CRPPA: variants seen among roughly 807,000 people sequenced by gnomAD.
The protein encoded by CRPPA is D-ribitol-5-phosphate cytidylyltransferase.
A neutral mutation model predicts 52.0 loss-of-function variants in CRPPA; 43 were observed. The observed-to-expected ratio is 0.83, with a 90% confidence interval of 0.65 to 1.07. CRPPA has a LOEUF of 1.07. Ranked by LOEUF, CRPPA falls within the 50% of genes least tolerant of loss-of-function variation. The pLI is 0.00. For missense variants in CRPPA, 629 were observed against 551.7 expected (o/e 1.14, Z -1.40); for synonymous variants, 250 against 203.5 (o/e 1.23, Z -1.94).
intron 9 of CRPPA, among the ~76,000 whole-genome samples, chr7:16,171,613 AC>A (rs1378099665): frequency 3.3e-5 from 5 of 151,504 alleles, no homozygotes; most frequent in African/African-American, 1.2e-4. Flanking sequence ...AAAACAAAAA[AC>A]AAACAAACCA....
intron 9 of CRPPA, among the ~76,000 whole-genome samples, chr7:16,112,183 C>T (rs1372072622): frequency 6.6e-6 from 1 of 152,016 alleles, no homozygotes; most frequent in East Asian, 1.9e-4. Flanking sequence ...GGTGTGGTGG[C>T]ATGTGCCTGT....
chr7:16,157,934 G>A (rs10479957), intron 9 of CRPPA, among the ~76,000 whole-genome samples: 3,156 of 151,674 alleles, frequency 0.021, 109 homozygotes, highest in African/African-American at 0.072. Flanking sequence ...GAATAGAGCA[G>A]TGCAATCTTG....
chr7:16,369,917 G>A (rs1786704696), intron 3 of CRPPA, among the ~76,000 whole-genome samples: 1 of 152,222 alleles, frequency 6.6e-6, no homozygotes. Context: ...GGGAAAGTCT[G>A]CCTCCAATCA....
At chr7:16,317,396 A>G (rs768444691) in intron 3 of CRPPA, among the ~76,000 whole-genome samples, 1 of 152,198 alleles carries the variant, frequency 6.6e-6, no homozygotes, top group Non-Finnish European at 1.5e-5. Context: ...AACCCTAAAA[A>G]TTGAGGTTTA....
At chr7:16,254,796 A>AGAAAGAAG (rs1554299376) in intron 8 of CRPPA, among the ~76,000 whole-genome samples, 170 of 49,600 alleles carry the variant, frequency 3.4e-3, no homozygotes, top group Middle Eastern at 9.1e-3. Flanking sequence ...AAAGAAGGAA[A>AGAAAGAAG]GAAAGAAAGA....
chr7:16,155,987 A>T (rs1783172074), intron 9 of CRPPA, among the ~76,000 whole-genome samples: 1 of 152,150 alleles, frequency 6.6e-6, no homozygotes, highest in Non-Finnish European at 1.5e-5. Context: ...GGGTCAGCAT[A>T]AACAAACATG....
In CRPPA at chr7:16,148,512, T is replaced by C. The variant is rs533418588; in HGVS notation, c.1252-56713A>G. ...GCATGGATGAACCTCGAGGACATTA[T>C]GTTAAGTGAAATAAGTCAGGCACAA... On this transcript the variant is annotated intron_variant, in intron 9 of 9. Coordinates refer to ENST00000407010, the MANE Select transcript of CRPPA (RefSeq NM_001101426.4). 1.4e-4 allele frequency among the ~76,000 whole-genome samples: 21 copies of C among 152,222 alleles called. 1 individual carries two copies. In the East Asian group the frequency reaches 3.5e-3, roughly 25 times the overall value.
chr7:16,089,236 G>T lies in CRPPA; in HGVS notation c.*2459C>A, dbSNP rs538655524. ...TATACATATATGTGTGTATGCGTAC[G>T]TATATACATATATGTGTGTATGCGT... On this transcript the variant is annotated 3_prime_UTR_variant, in exon 10 of 10. Coordinates refer to ENST00000407010, the MANE Select transcript of CRPPA (RefSeq NM_001101426.4). The T allele has an allele frequency of 5.3e-6, 2 of 376,348 alleles. No homozygotes were observed. The highest frequency in any genetic ancestry group is 5.0e-5 in the Admixed American group (2 of 40,138). The allele number at this position is 376,348 out of a possible 1,614,324, so 23.3% of individuals were successfully genotyped here.
intron 9 of CRPPA, among the ~76,000 whole-genome samples, chr7:16,177,545 C>T (rs1781327708): frequency 6.6e-6 from 1 of 151,838 alleles, no homozygotes; most frequent in African/African-American, 2.4e-5. Flanking sequence ...ACCCAGAGAA[C>T]AAAAGAACAT....
intron 2 of CRPPA, among the ~76,000 whole-genome samples, chr7:16,400,094 C>T (rs546429423): frequency 3.3e-5 from 5 of 152,028 alleles, no homozygotes; most frequent in African/African-American, 7.2e-5. Context: ...ATGACTGTCA[C>T]GTGACTGGAG....
At chr7:16,399,487 C>T (rs1467903393) in intron 2 of CRPPA, among the ~76,000 whole-genome samples, 2 of 136,092 alleles carry the variant, frequency 1.5e-5, no homozygotes, top group African/African-American at 3.1e-5. Flanking sequence ...GTTTGATCAA[C>T]ACATGTGACT....
chr7:16,417,893 A>G (rs1422317894), intron 1 of CRPPA, among the ~76,000 whole-genome samples: 1 of 152,206 alleles, frequency 6.6e-6, no homozygotes, highest in Non-Finnish European at 1.5e-5. Context: ...CAGTGGTGAC[A>G]CCCATTATTT....
Position 16,195,572 on chromosome 7 carries a change from A to T in CRPPA, c.1251+20494T>A, listed in dbSNP as rs1781712150. On this transcript the variant is annotated intron_variant, in intron 9 of 9. Transcript: ENST00000407010. The stretch of plus-strand genomic sequence containing the variant: ...CTTAGCTTCCCTCTGGCCAGAAGAT[A>T]GAGTCTAAGAAAGTGCAGCAATACC... Among the ~76,000 whole-genome samples, 8 of 151,198 alleles carry T rather than the reference A, an allele frequency of 5.3e-5. No individual in the cohort carries two copies. The South Asian group carries it at 1.7e-3, about 32-fold the overall frequency.
At chr7:16,209,758 A>T (rs934518601) in intron 9 of CRPPA, among the ~76,000 whole-genome samples, 1 of 152,230 alleles carries the variant, frequency 6.6e-6, no homozygotes, top group Non-Finnish European at 1.5e-5. Flanking sequence ...ACGCTACTAA[A>T]CAAAATATTC....
At chr7:16,205,686 T>C (rs530469923) in intron 9 of CRPPA, among the ~76,000 whole-genome samples, 25 of 152,218 alleles carry the variant, frequency 1.6e-4, no homozygotes, top group African/African-American at 6.0e-4. Flanking sequence ...AGTGAGTAAC[T>C]AGATTTGAGC....
intron 9 of CRPPA, among the ~76,000 whole-genome samples, chr7:16,190,802 G>T (rs761520930): frequency 2.6e-5 from 4 of 151,962 alleles, no homozygotes; most frequent in Non-Finnish European, 5.9e-5. Flanking sequence ...GAAATCCATT[G>T]TATGATTCTT....
At chr7:16,213,442 AT>A (rs960491387) in intron 9 of CRPPA, among the ~76,000 whole-genome samples, 3 of 151,642 alleles carry the variant, frequency 2.0e-5, no homozygotes, top group African/African-American at 2.4e-5. Context: ...TCTTTTACAA[AT>A]TTTTTTTTAA....
chr7:16,314,638 T>C (rs1017825295), intron 3 of CRPPA, among the ~76,000 whole-genome samples: 1 of 152,082 alleles, frequency 6.6e-6, no homozygotes, highest in Admixed American at 6.6e-5. Context: ...TCTGCTAAAG[T>C]CCATTCCTTC....
chr7:16,187,778 T>G (rs1216264784), intron 9 of CRPPA, among the ~76,000 whole-genome samples: 4 of 151,800 alleles, frequency 2.6e-5, no homozygotes, highest in African/African-American at 9.7e-5. Context: ...AAAAAGGGAG[T>G]TGATGGGGAG....
Sources: allele counts gnomAD v4.1 joint callset (sites outside exome capture counted in the v4.1 genomes callset), GRCh38; gene constraint gnomAD v4.1.1; transcripts MANE v1.5; gene names NCBI Gene and HGNC (gene_info 2026-07-23, HGNC 2026-07-21).